RIPOR3: variants seen among roughly 807,000 people sequenced by gnomAD.
The protein encoded by RIPOR3 is family with sequence similarity 65 member C.
Under a neutral mutation model 114.3 loss-of-function variants are expected in RIPOR3, and 95 were observed. The ratio of observed to expected loss-of-function variants is 0.83; its 90% CI spans 0.70 to 0.99. RIPOR3 has a LOEUF of 0.99. Among genes scored for constraint, RIPOR3 ranks in the 50% least tolerant of loss-of-function variants. The pLI is 0.00. For missense variants in RIPOR3, 1,252 were observed against 1,266.9 expected, an observed-to-expected ratio of 0.99 and a Z score of 0.18; for synonymous variants, 575 against 543.8, an observed-to-expected ratio of 1.06 and a Z score of -0.80.
rs1181878937 is a variant in RIPOR3 at position 50,687,270 on chromosome 20, G to T, written c.3+3856C>A. ...GCCCACATGCCGCTAGTGTAGACAG[G>T]ATCTCTACTCCACCCGATCTCTCTG... On this transcript the variant is annotated intron_variant, in intron 1 of 21. Coordinates refer to ENST00000327979, the MANE Select transcript of RIPOR3 (RefSeq NM_001290268.2). Among the ~76,000 whole-genome samples, 4 of 152,326 alleles carry T rather than the reference G, an allele frequency of 2.6e-5. No individual in the cohort carries two copies. The East Asian group carries it at 5.8e-4, about 22-fold the overall frequency.
chr20:50,683,111 G>A (rs2086911283), intron 1 of RIPOR3, among the ~76,000 whole-genome samples: 1 of 152,194 alleles, frequency 6.6e-6, no homozygotes, highest in South Asian at 2.1e-4. Flanking sequence ...CCAACATTGT[G>A]AATGTGCGTA....
At chr20:50,654,616 C>T (rs888501934) in intron 1 of RIPOR3, among the ~76,000 whole-genome samples, 6 of 151,972 alleles carry the variant, frequency 3.9e-5, no homozygotes, top group East Asian at 1.9e-4. Flanking sequence ...CATCCATGAA[C>T]GAATGAATGA....
chr20:50,631,341 G>T (rs2123255384), intron 1 of RIPOR3, among the ~76,000 whole-genome samples: 1 of 152,310 alleles, frequency 6.6e-6, no homozygotes, highest in East Asian at 1.9e-4. Flanking sequence ...GGGGGTCCCA[G>T]GGGGAATCTG....
At position 50,691,132 on chromosome 20, in the gene RIPOR3, G is replaced by A; in HGVS notation, c.-4C>T. The A allele has an allele frequency of 7.8e-7, 1 of 1,289,490 alleles. No homozygotes were observed. The highest frequency in any genetic ancestry group is 1.2e-5 in the South Asian group (1 of 81,034). 79.9% of individuals were successfully genotyped at this position (1,289,490 alleles called of 1,614,324 possible). A position where few individuals can be genotyped will look rare whatever the true frequency, so the allele number is the denominator to read the frequency against. On this transcript the variant is annotated 5_prime_UTR_variant, in exon 1 of 22. Coordinates refer to ENST00000327979, the MANE Select transcript of RIPOR3 (RefSeq NM_001290268.2). The stretch of plus-strand genomic sequence containing the variant: ...GCAGTCACTTCACACTCACCATCGA[G>A]CAGGTCTGGACACTCGAGTGCAGTC...
At chr20:50,598,864 C>T (rs1266878246) in intron 13 of RIPOR3, among the ~76,000 whole-genome samples, 1 of 149,482 alleles carries the variant, frequency 6.7e-6, no homozygotes, top group East Asian at 2.0e-4. Context: ...AAGATTGCAC[C>T]ACTGCGCTCC....
At chr20:50,616,959 A>C (rs1043400794) in intron 3 of RIPOR3, among the ~76,000 whole-genome samples, 1 of 152,122 alleles carries the variant, frequency 6.6e-6, no homozygotes, top group Non-Finnish European at 1.5e-5. Flanking sequence ...TGGCTAACAC[A>C]GTGAAACCCC....
chr20:50,624,379 G>A (rs989548836), intron 2 of RIPOR3, among the ~76,000 whole-genome samples: 1 of 152,126 alleles, frequency 6.6e-6, no homozygotes, highest in Non-Finnish European at 1.5e-5. Flanking sequence ...CTCACTCCCA[G>A]CTCCTGCCTC....
intron 1 of RIPOR3, among the ~76,000 whole-genome samples, chr20:50,676,881 G>C (rs6096059): frequency 6.8e-5 from 10 of 147,140 alleles, no homozygotes; most frequent in Non-Finnish European, 1.2e-4. Flanking sequence ...TAGGATTACA[G>C]GTGTGAGCCA....
intron 1 of RIPOR3, among the ~76,000 whole-genome samples, chr20:50,690,102 C>A (rs1021775540): frequency 2.0e-5 from 3 of 152,132 alleles, no homozygotes; most frequent in African/African-American, 7.2e-5. Context: ...AAATAGCTTA[C>A]GATAATATTA....
At chr20:50,665,571 C>A (rs1330627166) in intron 1 of RIPOR3, among the ~76,000 whole-genome samples, 1 of 151,900 alleles carries the variant, frequency 6.6e-6, no homozygotes, top group Admixed American at 6.6e-5. Context: ...CAGGCACGCA[C>A]CACGACACTG....
In RIPOR3 at chr20:50,602,013, C is replaced by T. The variant is rs2083512429; in HGVS notation, c.1659+59G>A. On this transcript the variant is annotated intron_variant, in intron 13 of 21. Coordinates refer to ENST00000327979, the MANE Select transcript of RIPOR3 (RefSeq NM_001290268.2). This position sits in a 1 kb window ranked among gnomAD's most constrained non-coding sequence, Gnocchi z 4.3. Reference sequence around the variant, plus strand: ...GGCTGCGTGGCCCCAGAGCCCCCGACTCCCAGTCATCATGCCATCAGCAAA... The same window carrying T: ...GGCTGCGTGGCCCCAGAGCCCCCGATTCCCAGTCATCATGCCATCAGCAAA... 10 of 1,420,550 alleles carry T rather than the reference C, an allele frequency of 7.0e-6. No individual in the cohort carries two copies. Among genetic ancestry groups the T allele is most frequent in the Non-Finnish European group, 9.2e-6 (10 of 1,084,174 alleles). 88.0% of individuals were successfully genotyped at this position (1,420,550 alleles called of 1,614,324 possible). A position where few individuals can be genotyped will look rare whatever the true frequency, so the allele number is the denominator to read the frequency against.
intron 1 of RIPOR3, among the ~76,000 whole-genome samples, chr20:50,676,598 G>A (rs983004999): frequency 1.6e-4 from 25 of 152,052 alleles, no homozygotes; most frequent in African/African-American, 3.1e-4. Flanking sequence ...GCTGCAGTGA[G>A]CCGTGATCAT....
chr20:50,652,608 AAAAAAGAAAAG>A (rs1453031198), intron 1 of RIPOR3, among the ~76,000 whole-genome samples: 5 of 146,418 alleles, frequency 3.4e-5, no homozygotes, highest in Non-Finnish European at 6.0e-5. Context: ...AAAAAAAAAA[AAAAAAGAAAAG>A]AAAAGAAAAG....
intron 2 of RIPOR3, among the ~76,000 whole-genome samples, chr20:50,622,017 G>A (rs2084425307): frequency 6.6e-6 from 1 of 152,162 alleles, no homozygotes; most frequent in South Asian, 2.1e-4. Context: ...TTATCCATGA[G>A]GCTGGCTGAT....
chr20:50,609,839 A>G, intron 6 of RIPOR3, 117 bp from the exon 7 acceptor site: 1 of 1,220,120 alleles, frequency 8.2e-7, no homozygotes, highest in Middle Eastern at 2.4e-4. Flanking sequence ...CCGCTAGCCC[A>G]GCCCATGGTG....
intron 1 of RIPOR3, among the ~76,000 whole-genome samples, chr20:50,658,491 C>T (rs1210102242): frequency 1.3e-5 from 2 of 151,980 alleles, no homozygotes; most frequent in South Asian, 2.1e-4. Flanking sequence ...GAGGATCGCT[C>T]GAGCCCAGGA....
chr20:50,655,088 A>G (rs1484758111), intron 1 of RIPOR3, among the ~76,000 whole-genome samples: 1 of 152,220 alleles, frequency 6.6e-6, no homozygotes, highest in Admixed American at 6.5e-5. Context: ...CTCATCAACG[A>G]ATTTCTCCCT....
intron 1 of RIPOR3, among the ~76,000 whole-genome samples, chr20:50,686,991 C>A (rs966356953): frequency 6.6e-6 from 1 of 152,200 alleles, no homozygotes; most frequent in Admixed American, 6.5e-5. Flanking sequence ...CCTAGAGTTT[C>A]TAAAAATAGC....
chr20:50,626,374 G>C (rs1434804224), intron 2 of RIPOR3, among the ~76,000 whole-genome samples: 1 of 152,252 alleles, frequency 6.6e-6, no homozygotes, highest in Non-Finnish European at 1.5e-5. Context: ...GGAGGGGTCT[G>C]AGATATTAGA....
Sources: allele counts gnomAD v4.1 joint callset (sites outside exome capture counted in the v4.1 genomes callset), GRCh38; gene constraint gnomAD v4.1.1; non-coding constraint Gnocchi (gnomAD v3.1); transcripts MANE v1.5; gene names NCBI Gene and HGNC (gene_info 2026-07-23, HGNC 2026-07-21).